Variants in RBFOX1 observed in about 807,000 individuals in gnomAD.
RBFOX1 encodes the protein RNA binding fox-1 homolog 1.
In RBFOX1, 8 loss-of-function variants were observed where a neutral mutation model predicts 57.7. The observed-to-expected ratio is 0.14, with a 90% confidence interval of 0.08 to 0.25. The LOEUF (loss-of-function observed/expected upper bound fraction) is 0.25, where lower values mean the gene tolerates loss of function less well. RBFOX1 is among the 10% of genes least tolerant of loss of function. The pLI is 1.00. For synonymous variants in RBFOX1, 326 were observed against 222.4 expected, an observed-to-expected ratio of 1.47 and a Z score of -4.15; for missense variants, 611 against 548.5, an observed-to-expected ratio of 1.11 and a Z score of -1.14.
intron 2 of RBFOX1, among the ~76,000 whole-genome samples, chr16:6,554,551 T>C (rs2097058109): frequency 1.3e-5 from 2 of 152,188 alleles, no homozygotes; most frequent in South Asian, 4.1e-4. Context: ...TCTATCTCAA[T>C]AAAACTGGTT....
At chr16:6,189,771 A>G (rs1467415953) in intron 1 of RBFOX1, among the ~76,000 whole-genome samples, 1 of 152,194 alleles carries the variant, frequency 6.6e-6, no homozygotes, top group Non-Finnish European at 1.5e-5. Context: ...TATTTTTTAA[A>G]AAAATTATTC....
At chr16:6,076,592 C>T (rs1378537230) in intron 1 of RBFOX1, among the ~76,000 whole-genome samples, 1 of 152,018 alleles carries the variant, frequency 6.6e-6, no homozygotes, top group Admixed American at 6.6e-5. Flanking sequence ...CTCTGCCTCC[C>T]AGTCTTGCCT....
intron 1 of RBFOX1, among the ~76,000 whole-genome samples, chr16:6,278,966 G>A (rs1231292614): frequency 6.6e-6 from 1 of 152,012 alleles, no homozygotes; most frequent in Non-Finnish European, 1.5e-5. Context: ...AACAAGGTTT[G>A]TGTTCTATTT....
intron 3 of RBFOX1, among the ~76,000 whole-genome samples, chr16:5,811,187 G>C (rs1465146402): frequency 1.7e-5 from 2 of 119,976 alleles, no homozygotes. Context: ...CTGTCACCCA[G>C]GCTGCAGTGC....
chr16:7,505,985 A>G (rs11077195), intron 4 of RBFOX1, among the ~76,000 whole-genome samples: 82,559 of 151,554 alleles, frequency 0.54, 24,389 homozygotes, highest in Middle Eastern at 0.71. Context: ...GGAGGTTGAG[A>G]CCATCCTGTC....
chr16:6,841,245 A>G (rs370184896), intron 3 of RBFOX1, among the ~76,000 whole-genome samples: 2 of 152,196 alleles, frequency 1.3e-5, no homozygotes, highest in Non-Finnish European at 1.5e-5. Flanking sequence ...TATCCTGCCC[A>G]TTATACTCAG....
rs187793074 is a variant in RBFOX1, at chr16:5,747,878, G to A, written c.319-119425G>A. 3.1e-3 allele frequency among the ~76,000 whole-genome samples: 476 copies of A among 152,126 alleles called. 4 individuals are homozygous for A. The highest frequency in any genetic ancestry group is 0.011 in the African/African-American group (449 of 41,496). On this transcript the variant is annotated intron_variant, in intron 3 of 19. Transcript: ENST00000641259. ...GTTTTTTGTGTCTCTGTTTCCTTCA[G>A]TTCTGCTCTGATCTTAGTTATTTCT...
At chr16:5,551,336 C>T (rs2045455500) in intron 2 of RBFOX1, among the ~76,000 whole-genome samples, 1 of 152,188 alleles carries the variant, frequency 6.6e-6, no homozygotes. Flanking sequence ...GAGTGGGATA[C>T]ATGTGCGAGG....
chr16:5,580,731 T>C (rs1305398059), intron 2 of RBFOX1, among the ~76,000 whole-genome samples: 1 of 151,898 alleles, frequency 6.6e-6, no homozygotes, highest in Non-Finnish European at 1.5e-5. Flanking sequence ...GGCCGAGAGG[T>C]GGGGACTCCT....
chr16:7,387,695 G>A (rs1032133436), intron 4 of RBFOX1, among the ~76,000 whole-genome samples: 5 of 152,156 alleles, frequency 3.3e-5, no homozygotes, highest in African/African-American at 4.8e-5. Flanking sequence ...GAGTGGTGTC[G>A]GTGGCAGCTG....
At chr16:6,281,084 C>A (rs1023272068) in intron 1 of RBFOX1, among the ~76,000 whole-genome samples, 9 of 150,972 alleles carry the variant, frequency 6.0e-5, no homozygotes, top group African/African-American at 1.2e-4. Context: ...GAGCACCCTC[C>A]TAGACATCTA....
At chr16:6,249,307 A>C (rs1428394989) in intron 1 of RBFOX1, among the ~76,000 whole-genome samples, 1 of 152,158 alleles carries the variant, frequency 6.6e-6, no homozygotes, top group African/African-American at 2.4e-5. Context: ...CAGATGGATC[A>C]CGAGGTCAGG....
chr16:5,803,475 A>C, intron 3 of RBFOX1, among the ~76,000 whole-genome samples: 1 of 152,134 alleles, frequency 6.6e-6, no homozygotes, highest in East Asian at 1.9e-4. Flanking sequence ...CTGTTTCCTC[A>C]TCCATTTTTA....
intron 2 of RBFOX1, among the ~76,000 whole-genome samples, chr16:6,495,115 T>A (rs1053050495): frequency 6.6e-6 from 1 of 152,156 alleles, no homozygotes; most frequent in Non-Finnish European, 1.5e-5. Flanking sequence ...TTCTTTTGTT[T>A]GTTTATTTAT....
At chr16:7,107,050 T>A (rs1371313487) in intron 4 of RBFOX1, among the ~76,000 whole-genome samples, 1 of 151,878 alleles carries the variant, frequency 6.6e-6, no homozygotes, top group Non-Finnish European at 1.5e-5. Context: ...GTAAGTGCTA[T>A]GATGTCAGGA....
intron 3 of RBFOX1, among the ~76,000 whole-genome samples, chr16:5,849,420 A>G (rs529837220): frequency 6.6e-6 from 1 of 152,138 alleles, no homozygotes; most frequent in East Asian, 1.9e-4. Flanking sequence ...TGGGGCACTG[A>G]TGCATTTGCT....
intron 1 of RBFOX1, among the ~76,000 whole-genome samples, chr16:5,392,427 G>C (rs1389184781): frequency 6.6e-6 from 1 of 152,016 alleles, no homozygotes; most frequent in Non-Finnish European, 1.5e-5. Flanking sequence ...GTAATACTTG[G>C]ATATCTTTAG....
chr16:5,517,271 C>T (rs1167349700), intron 2 of RBFOX1, among the ~76,000 whole-genome samples: 4 of 151,960 alleles, frequency 2.6e-5, no homozygotes, highest in African/African-American at 4.8e-5. Flanking sequence ...AGCAGAATTG[C>T]GCAGAATTGT....
At chr16:5,441,620 C>A (rs2068087061) in intron 1 of RBFOX1, among the ~76,000 whole-genome samples, 1 of 152,136 alleles carries the variant, frequency 6.6e-6, no homozygotes, top group Non-Finnish European at 1.5e-5. Flanking sequence ...CCACCTTGAC[C>A]TCCCAAAGTG....
Sources: allele counts gnomAD v4.1 joint callset (sites outside exome capture counted in the v4.1 genomes callset), GRCh38; gene constraint gnomAD v4.1.1; transcripts MANE v1.5; gene names NCBI Gene and HGNC (gene_info 2026-07-23, HGNC 2026-07-21).